The following ARID1B variants were observed in gnomAD, a reference collection of about 807,000 sequenced individuals.
ARID1B encodes the protein AT-rich interactive domain-containing protein 1B.
Under a neutral mutation model 212.3 loss-of-function variants are expected in ARID1B, and 30 were observed. The ratio of observed to expected loss-of-function variants is 0.14; its 90% CI spans 0.11 to 0.19. ARID1B has a LOEUF of 0.19. Ranked by LOEUF, ARID1B falls within the 10% of genes least tolerant of loss-of-function variation. The pLI is 1.00. For synonymous variants in ARID1B, 1,402 were observed against 1,301.7 expected (o/e 1.08, Z -1.66); for missense variants, 2,891 against 3,204.0 (o/e 0.90, Z 2.36).
At chr6:156,999,375 G>A (rs1240094923) in intron 4 of ARID1B, among the ~76,000 whole-genome samples, 1 of 152,190 alleles carries the variant, frequency 6.6e-6, no homozygotes, top group Non-Finnish European at 1.5e-5. Flanking sequence ...ATAAAACGAA[G>A]GTCACAATCC....
At chr6:156,993,850 A>C (rs1023117014) in intron 4 of ARID1B, among the ~76,000 whole-genome samples, 1 of 152,238 alleles carries the variant, frequency 6.6e-6, no homozygotes, top group African/African-American at 2.4e-5. Flanking sequence ...ATTTATAAAA[A>C]TCAAATGGAA....
intron 8 of ARID1B, among the ~76,000 whole-genome samples, chr6:157,153,166 C>T (rs1682984078): frequency 6.6e-6 from 1 of 152,260 alleles, no homozygotes; most frequent in East Asian, 1.9e-4. Flanking sequence ...AAGGTAAAAT[C>T]GACCTGCTGC....
chr6:156,975,616 T>C lies in ARID1B; in HGVS notation c.2247+40040T>C, dbSNP rs1370838989. 2.1e-4 allele frequency among the ~76,000 whole-genome samples: 32 copies of C among 149,530 alleles called. No homozygotes were observed. In the South Asian group the frequency reaches 5.6e-3, roughly 26 times the overall value. On this transcript the variant is annotated intron_variant, in intron 4 of 19. Coordinates refer to ENST00000636930, the MANE Select transcript of ARID1B (RefSeq NM_001374828.1). ...AGTTTGACTGTATTTTTTTTTTCTT[T>C]TTTTTTTTTTTTTTCAGTTCCTTAA...
chr6:157,021,902 C>A (rs865820962), intron 4 of ARID1B, among the ~76,000 whole-genome samples: 3 of 152,212 alleles, frequency 2.0e-5, no homozygotes, highest in African/African-American at 7.2e-5. Flanking sequence ...TACCTCGCCG[C>A]GCGCCCCTAA....
At chr6:156,885,737 A>G (rs1213070915) in intron 2 of ARID1B, among the ~76,000 whole-genome samples, 1 of 152,184 alleles carries the variant, frequency 6.6e-6, no homozygotes, top group Non-Finnish European at 1.5e-5. Flanking sequence ...TCACTTCTTC[A>G]TATTGCCACA....
chr6:157,132,399 C>T (rs976217497), intron 6 of ARID1B, among the ~76,000 whole-genome samples: 6 of 152,286 alleles, frequency 3.9e-5, no homozygotes, highest in Admixed American at 6.5e-5. Context: ...TCTGCTGGGG[C>T]GCAGCAGAAT....
At chr6:157,162,832 G>A (rs536771618) in intron 8 of ARID1B, among the ~76,000 whole-genome samples, 3 of 152,216 alleles carry the variant, frequency 2.0e-5, no homozygotes, top group South Asian at 2.1e-4. Context: ...TGCATCTACC[G>A]AATTATTGTA....
intron 13 of ARID1B, chr6:157,186,070 G>A (rs548221734): frequency 6.1e-4 from 101 of 166,090 alleles, no homozygotes; most frequent in African/African-American, 2.3e-3. Flanking sequence ...AAGTGGTGAT[G>A]TCTGTAAAGA....
intron 2 of ARID1B, among the ~76,000 whole-genome samples, chr6:156,897,218 G>GCTGCTGCTTCTTCTTCTT (rs1554264583): frequency 5.7e-4 from 52 of 91,354 alleles, no homozygotes; most frequent in Middle Eastern, 5.1e-3. Context: ...TGCTGCTGCT[G>GCTGCTGCTTCTTCTTCTT]CTTCTTCTTC....
At chr6:156,908,080 T>C (rs1789554973) in intron 3 of ARID1B, among the ~76,000 whole-genome samples, 1 of 152,160 alleles carries the variant, frequency 6.6e-6, no homozygotes, top group Non-Finnish European at 1.5e-5. Context: ...ACTTTTTTAG[T>C]AGAGATGTTG....
intron 12 of ARID1B, 139 bp downstream of exon 12, chr6:157,181,317 C>T: frequency 9.1e-7 from 1 of 1,098,072 alleles, no homozygotes. Flanking sequence ...TTCTTGCAAC[C>T]CACGTCTGTG....
Position 157,099,255 on chromosome 6 carries a change from G to T in ARID1B, c.2492-11217G>T, listed in dbSNP as rs929523827. Among the ~76,000 whole-genome samples the T allele has an allele frequency of 2.6e-5, 4 of 152,292 alleles. No homozygotes were observed. The East Asian group carries it at 7.7e-4, about 29-fold the overall frequency. On this transcript the variant is annotated intron_variant, in intron 5 of 19. Coordinates refer to ENST00000636930, the MANE Select transcript of ARID1B (RefSeq NM_001374828.1). ...GAGCCATTGCGCTGGGCCAACTCCA[G>T]TTTATCTTTAATCAAAGCTGTGCTG...
chr6:156,938,980 A>G (rs1197844734), intron 4 of ARID1B: 2 of 152,220 alleles, frequency 1.3e-5, no homozygotes, highest in Non-Finnish European at 2.9e-5. Flanking sequence ...GTTATCTTGG[A>G]GCCATGACCA....
At chr6:157,175,044 T>G in intron 11 of ARID1B, 39 bp downstream of exon 11, 1 of 1,340,628 alleles carries the variant, frequency 7.5e-7, no homozygotes, top group African/African-American at 1.5e-5. Flanking sequence ...TTTTGTTTTT[T>G]GTTTTTTTGG....
At chr6:157,081,097 G>A (rs2128454298) in intron 4 of ARID1B, among the ~76,000 whole-genome samples, 1 of 152,328 alleles carries the variant, frequency 6.6e-6, no homozygotes, top group East Asian at 1.9e-4. Flanking sequence ...ACTGATTTAT[G>A]GAATGCCATG....
At chr6:157,196,367 C>G (rs2128358115) in intron 16 of ARID1B, 52 bp downstream of exon 16, 1 of 1,561,204 alleles carries the variant, frequency 6.4e-7, no homozygotes, top group South Asian at 1.2e-5. Flanking sequence ...ACCGTGCTTT[C>G]CTCACACACA....
At chr6:156,993,251 A>C (rs557028977) in intron 4 of ARID1B, among the ~76,000 whole-genome samples, 1 of 152,192 alleles carries the variant, frequency 6.6e-6, no homozygotes. Context: ...CATGTTGGCC[A>C]GGTTGGTCTT....
chr6:157,175,149 C>T, intron 11 of ARID1B, 144 bp downstream of exon 11: 2 of 693,292 alleles, frequency 2.9e-6, no homozygotes, highest in Non-Finnish European at 4.1e-6. Flanking sequence ...AAAGGGTTTT[C>T]TTTATAAATA....
intron 1 of ARID1B, among the ~76,000 whole-genome samples, chr6:156,812,051 C>T (rs1269209322): frequency 6.6e-6 from 1 of 152,212 alleles, no homozygotes; most frequent in African/African-American, 2.4e-5. Flanking sequence ...TGTAAATCAC[C>T]TATAGTGTGC....
Sources: allele counts gnomAD v4.1 joint callset (sites outside exome capture counted in the v4.1 genomes callset), GRCh38; gene constraint gnomAD v4.1.1; transcripts MANE v1.5; gene names NCBI Gene and HGNC (gene_info 2026-07-23, HGNC 2026-07-21).